Variants in TAOK3 observed in about 807,000 individuals in gnomAD.
TAOK3 encodes TAO kinase 3, also known as serine/threonine-protein kinase TAO3.
A neutral mutation model predicts 120.4 loss-of-function variants in TAOK3; 40 were observed. That is an observed-to-expected ratio of 0.33 (90% CI 0.26 to 0.43). The LOEUF is 0.43. Ranked by LOEUF, TAOK3 falls within the 20% of genes least tolerant of loss-of-function variation. The pLI, the probability that TAOK3 is intolerant of heterozygous loss-of-function variation, is 1.00. For synonymous variants in TAOK3, 355 were observed against 387.5 expected (o/e 0.92, Z 0.99); for missense variants, 821 against 1,112.1 (o/e 0.74, Z 3.72).
intron 15 of TAOK3, among the ~76,000 whole-genome samples, chr12:118,179,664 G>A (rs150570142): frequency 0.021 from 2,672 of 128,430 alleles, 91 homozygotes; most frequent in African/African-American, 0.075. Flanking sequence ...TTTTTTTTCA[G>A]TCGGAGTCTT....
Position 118,177,201 on chromosome 12 carries a change from C to T in TAOK3, c.1695G>A (p.Glu565=). 6.2e-7 allele frequency: 1 copy of T among 1,613,030 alleles called. No homozygotes were observed. The highest frequency in any genetic ancestry group is 8.5e-7 in the Non-Finnish European group (1 of 1,179,612). Residue 565 remains glutamate, a splice_region_variant and synonymous_variant, in exon 16 of 21, where the codon GAG becomes GAA. Transcript: ENST00000392533. The part of the protein sequence containing the change: ...QYKICKEKIK[E]EMNEDHSTPK... ...TGAGAACAAACATTGGTATCCTTAC[C>T]TCTTTTATTTTTTCCTTACAAATCT...
At chr12:118,207,275 G>A (rs1022730355) in intron 11 of TAOK3, among the ~76,000 whole-genome samples, 1 of 149,952 alleles carries the variant, frequency 6.7e-6, no homozygotes, top group Non-Finnish European at 1.5e-5. Flanking sequence ...GCCATGAGCC[G>A]AGATCGTGCC....
In TAOK3 at chr12:118,372,046, G is replaced by A. The variant is rs1228262772; in HGVS notation, c.-194+602C>T. On this transcript the variant is annotated intron_variant, in intron 1 of 20. Coordinates refer to ENST00000392533, the MANE Select transcript of TAOK3 (RefSeq NM_016281.4). The surrounding 1 kb of genome is among the most constrained non-coding windows in gnomAD (Gnocchi z 4.6). ...CTCCCACTGTCTTGGCCCTTCCTGG[G>A]GTCTTCTCACACTCTGTTCTAAGCC... Among the ~76,000 whole-genome samples the A allele has an allele frequency of 6.6e-6, 1 of 151,260 alleles. No homozygotes were observed. Among genetic ancestry groups the A allele is most frequent in the African/African-American group, 2.4e-5 (1 of 41,116 alleles).
intron 3 of TAOK3, among the ~76,000 whole-genome samples, chr12:118,251,447 T>A (rs975185079): frequency 6.6e-6 from 1 of 152,222 alleles, no homozygotes; most frequent in African/African-American, 2.4e-5. Context: ...CATAGGCCTG[T>A]ACTTTTCACA....
chr12:118,224,832 T>C (rs1350297359), intron 9 of TAOK3, among the ~76,000 whole-genome samples: 1 of 152,066 alleles, frequency 6.6e-6, no homozygotes, highest in Admixed American at 6.6e-5. Flanking sequence ...AAAAAATATA[T>C]ACTATTATAG....
rs566138702 is a variant in TAOK3 at position 118,259,694 on chromosome 12, T to C, written c.-88-4039A>G. Among the ~76,000 whole-genome samples, 4 of 152,248 alleles carry C rather than the reference T, an allele frequency of 2.6e-5. 1 individual carries two copies. The South Asian group carries it at 8.3e-4, about 32-fold the overall frequency. On this transcript the variant is annotated intron_variant, in intron 2 of 20. Transcript: ENST00000392533. ...GTTTGAGCTTAATGCCCTGGGAGAA[T>C]TTCTAGGCCATGCTGCAGAGAGGGG... is the stretch of plus-strand genomic sequence containing the variant.
rs562657544 is a variant in TAOK3 at position 118,208,410 on chromosome 12, CAA to C, written c.819+4502_819+4503del. On this transcript the variant is annotated intron_variant, in intron 11 of 20. Coordinates refer to ENST00000392533, the MANE Select transcript of TAOK3 (RefSeq NM_016281.4). ...CACAAAACATCAGCATAAAGAATGT[CAA>C]AAGAGAAATAGGAAAAAAAAAATCC... is the stretch of plus-strand genomic sequence containing the variant. Among the ~76,000 whole-genome samples the C allele has an allele frequency of 8.6e-3, 901 of 105,340 alleles. 9 individuals are homozygous for C. Among genetic ancestry groups the C allele is most frequent in the Non-Finnish European group, 0.013 (673 of 50,892 alleles). 69.1% of individuals were successfully genotyped at this position (105,340 alleles called of 152,430 possible).
intron 3 of TAOK3, among the ~76,000 whole-genome samples, chr12:118,249,219 A>G (rs751462802): frequency 6.6e-6 from 1 of 152,204 alleles, no homozygotes; most frequent in East Asian, 1.9e-4. Flanking sequence ...TAAACATTTT[A>G]CAGCTATACC....
intron 9 of TAOK3, among the ~76,000 whole-genome samples, chr12:118,218,829 C>T (rs1208887792): frequency 6.6e-6 from 1 of 152,132 alleles, no homozygotes; most frequent in East Asian, 1.9e-4. Flanking sequence ...TGGCTTGTGC[C>T]TGTAATCCCA....
intron 16 of TAOK3, among the ~76,000 whole-genome samples, chr12:118,174,373 T>C (rs1365491769): frequency 6.6e-6 from 1 of 151,512 alleles, no homozygotes; most frequent in Non-Finnish European, 1.5e-5. Flanking sequence ...AATTGGCTTC[T>C]GGCTTTTTTT....
chr12:118,181,440 C>A lies in TAOK3; in HGVS notation c.1497G>T (p.Thr499=), dbSNP rs751343090. Residue 499 remains threonine, a synonymous_variant, in exon 15 of 21, where the codon ACG becomes ACT. Transcript: ENST00000392533. ...HRLKLQKEVE[T]HANNSSIELE... ...GCTCGATGGACGAGTTGTTGGCATGCGTCTCCACCTCCTTCTGTAGCTTGA... is the reference window on the plus strand; with the variant it reads ...GCTCGATGGACGAGTTGTTGGCATGAGTCTCCACCTCCTTCTGTAGCTTGA... 6.2e-7 allele frequency: 1 copy of A among 1,614,190 alleles called. No individual in the cohort carries two copies.
At position 118,321,504 on chromosome 12, in the gene TAOK3, C is replaced by A. The variant is rs1159612532; in HGVS notation, c.-194+51144G>T. 2.6e-5 allele frequency among the ~76,000 whole-genome samples: 4 copies of A among 152,166 alleles called. No homozygotes were observed. In the East Asian group the frequency reaches 7.7e-4, roughly 29 times the overall value. Reference sequence around the variant, plus strand: ...TGAACTACTGGGCTCAAGCAATCCTCCTACCTCGGTTTCCCAAAGTGCTGG... The same window carrying A: ...TGAACTACTGGGCTCAAGCAATCCTACTACCTCGGTTTCCCAAAGTGCTGG... On this transcript the variant is annotated intron_variant, in intron 1 of 20. Coordinates refer to ENST00000392533, the MANE Select transcript of TAOK3 (RefSeq NM_016281.4).
chr12:118,282,233 T>G (rs1018610474), intron 1 of TAOK3, among the ~76,000 whole-genome samples: 1 of 152,220 alleles, frequency 6.6e-6, no homozygotes, highest in African/African-American at 2.4e-5. Flanking sequence ...TTGGTAGAAA[T>G]GCATAAAATG....
chr12:118,224,990 G>A (rs568084135), intron 9 of TAOK3, among the ~76,000 whole-genome samples: 2 of 152,236 alleles, frequency 1.3e-5, no homozygotes, highest in Non-Finnish European at 2.9e-5. Context: ...GCTCATGCCT[G>A]TAATCCCAGC....
chr12:118,167,666 GCT>G (rs1565883161), intron 17 of TAOK3, among the ~76,000 whole-genome samples: 5 of 147,820 alleles, frequency 3.4e-5, no homozygotes, highest in Non-Finnish European at 7.5e-5. Flanking sequence ...CTCTTTATAG[GCT>G]CTTTTTTTTT....
chr12:118,233,850 TA>T, intron 8 of TAOK3, 85 bp from the exon 9 acceptor site: 3 of 842,472 alleles, frequency 3.6e-6, no homozygotes, highest in Non-Finnish European at 5.8e-6. Flanking sequence ...TAGCTGTTCT[TA>T]AGGGTATTCT....
At chr12:118,267,884 CAAAA>C (rs60331520) in intron 1 of TAOK3, among the ~76,000 whole-genome samples, 3 of 78,824 alleles carry the variant, frequency 3.8e-5, no homozygotes, top group Non-Finnish European at 7.2e-5. Context: ...GACTCCATCT[CAAAA>C]AAAAAAAAAA....
intron 16 of TAOK3, among the ~76,000 whole-genome samples, chr12:118,175,173 T>G (rs2036244419): frequency 6.6e-6 from 1 of 152,172 alleles, no homozygotes; most frequent in Non-Finnish European, 1.5e-5. Flanking sequence ...CCAGTGTAAA[T>G]CAAATACAAT....
At chr12:118,240,641 G>C (rs1372621182) in intron 5 of TAOK3, among the ~76,000 whole-genome samples, 1 of 152,026 alleles carries the variant, frequency 6.6e-6, no homozygotes, top group Non-Finnish European at 1.5e-5. Flanking sequence ...ACTGCACCTG[G>C]CCCTTCTTAT....
Sources: allele counts gnomAD v4.1 joint callset (sites outside exome capture counted in the v4.1 genomes callset), GRCh38; gene constraint gnomAD v4.1.1; non-coding constraint Gnocchi (gnomAD v3.1); transcripts MANE v1.5; gene names NCBI Gene and HGNC (gene_info 2026-07-23, HGNC 2026-07-21).